Variants in DNAH8 observed in about 807,000 individuals in gnomAD.
The protein encoded by DNAH8 is dynein axonemal heavy chain 8, also known as axonemal beta dynein heavy chain 8.
DNAH8 carries 382 observed loss-of-function variants against 562.1 expected under a neutral mutation model. The ratio of observed to expected loss-of-function variants is 0.68; its 90% CI spans 0.63 to 0.74. DNAH8 has a LOEUF of 0.74. Ranked by LOEUF, DNAH8 falls within the 30% of genes least tolerant of loss-of-function variation. The pLI is 0.00. For missense variants in DNAH8, 5,203 were observed against 5,620.4 expected, an observed-to-expected ratio of 0.93 and a Z score of 2.37; for synonymous variants, 1,881 against 1,919.4, an observed-to-expected ratio of 0.98 and a Z score of 0.52.
intron 83 of DNAH8, chr6:38,971,881 A>AT: frequency 2.7e-6 from 1 of 375,806 alleles, no homozygotes; most frequent in African/African-American, 2.1e-5. Context: ...ACCTTCACCA[A>AT]TTTTTTGTTC....
At chr6:38,814,423 A>G (rs1772066918) in intron 25 of DNAH8, among the ~76,000 whole-genome samples, 1 of 152,196 alleles carries the variant, frequency 6.6e-6, no homozygotes. Flanking sequence ...TCCACTAAAA[A>G]TACAAAAATT....
chr6:38,734,324 A>C, intron 4 of DNAH8, 150 bp from the exon 5 acceptor site: 1 of 475,476 alleles, frequency 2.1e-6, no homozygotes. Context: ...ATCTTCTAGT[A>C]GACCCCCCCC....
At chr6:38,897,273 G>A (rs1167736200) in intron 60 of DNAH8, among the ~76,000 whole-genome samples, 1 of 152,130 alleles carries the variant, frequency 6.6e-6, no homozygotes, top group Non-Finnish European at 1.5e-5. Context: ...CATAAATAAG[G>A]TTTTATTGAA....
chr6:38,885,019 A>G (rs1321952274), intron 56 of DNAH8, among the ~76,000 whole-genome samples: 2 of 152,154 alleles, frequency 1.3e-5, no homozygotes, highest in African/African-American at 4.8e-5. Flanking sequence ...AGACACCACT[A>G]GAAGCTCAGT....
At position 38,971,908 on chromosome 6, in the gene DNAH8, G is replaced by T. The variant is rs1203016162; in HGVS notation, c.12525+243G>T. 1.2e-5 allele frequency: 4 copies of T among 336,882 alleles called. No homozygotes were observed. In the East Asian group the frequency reaches 1.8e-4, roughly 15 times the overall value. 20.9% of individuals were successfully genotyped at this position (336,882 alleles called of 1,614,324 possible). ...TTTTTGTTCGTTTTATGATTTGGGA[G>T]ACACACCTTCTGATTTCTAAGAATG... On this transcript the variant is annotated intron_variant, in intron 83 of 92. Transcript: ENST00000327475.
Position 38,954,430 on chromosome 6 carries a change from C to T in DNAH8, c.12451+2910C>T, listed in dbSNP as rs1762121014. Among the ~76,000 whole-genome samples the T allele has an allele frequency of 1.6e-3, 2 of 1,238 alleles. 1 individual carries two copies. Among genetic ancestry groups the T allele is most frequent in the Admixed American group, 0.013 (2 of 156 alleles). 0.8% of individuals were successfully genotyped at this position (1,238 alleles called of 152,430 possible). A position where few individuals can be genotyped will look rare whatever the true frequency, so the allele number is the denominator to read the frequency against. On this transcript the variant is annotated intron_variant, in intron 82 of 92. Transcript: ENST00000327475. ...TTATAGTAATAAATTACAGGCCGGGCGCGGTGGCTCACGCCTGTAATCCCA... is the reference window on the plus strand; with the variant it reads ...TTATAGTAATAAATTACAGGCCGGGTGCGGTGGCTCACGCCTGTAATCCCA...
chr6:38,906,341 T>C lies in DNAH8; in HGVS notation c.9282T>C (p.Phe3094=), dbSNP rs1035639574. ...ATGGAAAAGGCATCACTTTCATCTTTACTGACAGTGAAATAAAAGATGAGG... is the reference window on the plus strand; with the variant it reads ...ATGGAAAAGGCATCACTTTCATCTTCACTGACAGTGAAATAAAAGATGAGG... ...GADGKGITFI[F]TDSEIKDEAF... The change falls in exon 63 of 93, where the codon TTT becomes TTC. Residue 3094 remains phenylalanine (F), a synonymous_variant. Transcript: ENST00000327475. 3.7e-6 allele frequency: 6 copies of C among 1,610,264 alleles called. No individual in the cohort carries two copies. The highest frequency in any genetic ancestry group is 3.7e-4 in the Middle Eastern group (2 of 5,356).
At position 38,857,507 on chromosome 6, in the gene DNAH8, TGG is replaced by T; in HGVS notation, c.5734-10_5734-9del. 6.4e-7 allele frequency: 1 copy of T among 1,573,398 alleles called. No homozygotes were observed. Among genetic ancestry groups the T allele is most frequent in the Non-Finnish European group, 8.7e-7 (1 of 1,154,312 alleles). On this transcript the variant is annotated splice_polypyrimidine_tract_variant and intron_variant, in intron 41 of 92. Coordinates refer to ENST00000327475, the MANE Select transcript of DNAH8 (RefSeq NM_001206927.2). Reference sequence around the variant, plus strand: ...TTGGCAAATTTTAATATTTTTCTGCTGGATCTGTAGGTTGGACTTCTGGGAAT... The same window carrying T: ...TTGGCAAATTTTAATATTTTTCTGCTATCTGTAGGTTGGACTTCTGGGAAT...
intron 82 of DNAH8, among the ~76,000 whole-genome samples, chr6:38,954,187 A>C (rs1198907132): frequency 6.6e-6 from 1 of 152,204 alleles, no homozygotes; most frequent in Non-Finnish European, 1.5e-5. Flanking sequence ...TGGAGAAAGC[A>C]GATGGGTTTA....
intron 70 of DNAH8, among the ~76,000 whole-genome samples, chr6:38,920,195 C>G (rs964875311): frequency 6.6e-6 from 1 of 152,142 alleles, no homozygotes; most frequent in Non-Finnish European, 1.5e-5. Context: ...CTTACTGCAG[C>G]CTTGAATTCC....
intron 3 of DNAH8, among the ~76,000 whole-genome samples, chr6:38,724,058 C>T (rs907874660): frequency 2.6e-5 from 4 of 151,772 alleles, no homozygotes; most frequent in Non-Finnish European, 5.9e-5. Context: ...GGCACCATCT[C>T]GGCTCACTAA....
At chr6:38,956,766 C>A (rs1222913248) in intron 82 of DNAH8, among the ~76,000 whole-genome samples, 2 of 152,062 alleles carry the variant, frequency 1.3e-5, no homozygotes, top group African/African-American at 4.8e-5. Context: ...AAGCAAAAAC[C>A]TATATTAGAT....
intron 5 of DNAH8, 37 bp downstream of exon 5, chr6:38,734,662 A>G (rs1763943518): frequency 1.3e-6 from 2 of 1,597,734 alleles, no homozygotes; most frequent in African/African-American, 2.7e-5. Context: ...ATAGTTAAAC[A>G]TTGAATATAT....
intron 79 of DNAH8, among the ~76,000 whole-genome samples, chr6:38,941,973 G>A (rs550838648): frequency 6.6e-6 from 1 of 152,130 alleles, no homozygotes; most frequent in African/African-American, 2.4e-5. Flanking sequence ...TAGAGCTCTC[G>A]TGAATGGGGT....
intron 24 of DNAH8, among the ~76,000 whole-genome samples, chr6:38,809,650 G>A (rs533292344): frequency 1.1e-4 from 17 of 152,174 alleles, no homozygotes; most frequent in East Asian, 5.8e-4. Flanking sequence ...TCTCTGTGAC[G>A]TTTTATAAAT....
intron 89 of DNAH8, 32 bp from the exon 90 acceptor site, chr6:39,012,183 T>G: frequency 6.6e-7 from 1 of 1,523,014 alleles, no homozygotes; most frequent in Non-Finnish European, 8.9e-7. Context: ...GATGAGAAAA[T>G]CTCCTTTATT....
chr6:38,948,044 G>T (rs1213231015), intron 80 of DNAH8, among the ~76,000 whole-genome samples: 2 of 151,898 alleles, frequency 1.3e-5, no homozygotes, highest in Non-Finnish European at 2.9e-5. Context: ...CACCATGCCA[G>T]GCCAGAAATC....
chr6:38,859,862 G>A (rs1475364895), intron 42 of DNAH8, among the ~76,000 whole-genome samples: 1 of 152,142 alleles, frequency 6.6e-6, no homozygotes, highest in Non-Finnish European at 1.5e-5. Context: ...CCCTTTAGTG[G>A]CTTCCGACTG....
At chr6:38,738,278 T>C (rs934574293) in intron 7 of DNAH8, among the ~76,000 whole-genome samples, 2 of 152,202 alleles carry the variant, frequency 1.3e-5, no homozygotes, top group African/African-American at 4.8e-5. Flanking sequence ...GTTGATACTC[T>C]CCATAAAAGA....
Sources: gnomAD v4.1 joint callset for allele counts (sites outside exome capture counted in the v4.1 genomes callset) on GRCh38, gnomAD v4.1.1 for gene constraint, MANE v1.5 for transcripts, NCBI Gene and HGNC (gene_info 2026-07-23, HGNC 2026-07-21) for gene names.